Variants in KCNN2 observed in about 807,000 individuals in gnomAD.
KCNN2 encodes small conductance calcium-activated potassium channel protein 2.
KCNN2 carries 24 observed loss-of-function variants against 55.5 expected under a neutral mutation model. The ratio of observed to expected loss-of-function variants is 0.43; its 90% confidence interval spans 0.31 to 0.61. The LOEUF is 0.61. Among genes scored for constraint, KCNN2 ranks in the 20% least tolerant of loss-of-function variants. KCNN2 has a pLI of 0.08. For missense variants in KCNN2, 754 were observed against 853.6 expected (o/e 0.88, Z 1.45); for synonymous variants, 431 against 336.1 (o/e 1.28, Z -3.09).
At chr5:114,430,294 C>T (rs1759751305) in intron 3 of KCNN2, among the ~76,000 whole-genome samples, 1 of 151,958 alleles carries the variant, frequency 6.6e-6, no homozygotes. Context: ...GGATTTCTTT[C>T]CTCAGTGTTT....
At chr5:114,484,718 T>C (rs1488127044) in intron 5 of KCNN2, among the ~76,000 whole-genome samples, 2 of 152,218 alleles carry the variant, frequency 1.3e-5, no homozygotes, top group Non-Finnish European at 2.9e-5. Flanking sequence ...GTGGCTGCCA[T>C]GTTGAAAAGT....
At chr5:114,231,492 T>C (rs1364875040) in intron 2 of KCNN2, among the ~76,000 whole-genome samples, 3 of 150,604 alleles carry the variant, frequency 2.0e-5, no homozygotes, top group Non-Finnish European at 4.4e-5. Context: ...CAGTTTCAGC[T>C]TTCTACATAT....
At chr5:114,361,797 G>A (rs982564374), upstream of KCNN2, among the ~76,000 whole-genome samples, 2 of 152,156 alleles carry the variant, frequency 1.3e-5, no homozygotes, top group African/African-American at 4.8e-5. Flanking sequence ...CTGCGTGGGG[G>A]CTCTCCATCT....
intron 5 of KCNN2, among the ~76,000 whole-genome samples, chr5:114,482,547 A>G (rs1403632953): frequency 6.6e-6 from 1 of 152,188 alleles, no homozygotes; most frequent in Non-Finnish European, 1.5e-5. Context: ...AAGGAATATA[A>G]ATCATTCTAT....
chr5:114,288,529 CAT>C lies in KCNN2; in HGVS notation c.-185+66966_-185+66967del, dbSNP rs1491578752. On this transcript the variant is annotated intron_variant, in intron 2 of 10. Coordinates refer to the KCNN2 transcript ENST00000512097. The stretch of plus-strand genomic sequence containing the variant: ...ACACACACACACACACACACACACA[CAT>C]ACACATAGATAATATTTTTTGATAG... Among the ~76,000 whole-genome samples, 31 of 150,660 alleles carry C rather than the reference CAT, an allele frequency of 2.1e-4. 1 individual carries two copies. Among genetic ancestry groups the C allele is most frequent in the East Asian group, 1.9e-3 (10 of 5,154 alleles).
At chr5:114,335,408 C>T (rs1420335244) in intron 2 of KCNN2, among the ~76,000 whole-genome samples, 2 of 152,150 alleles carry the variant, frequency 1.3e-5, no homozygotes, top group East Asian at 3.9e-4. Context: ...ATACTTACTC[C>T]TTTGCAGAGG....
At chr5:114,112,603 A>G (rs867943748) in intron 1 of KCNN2, among the ~76,000 whole-genome samples, 1 of 152,056 alleles carries the variant, frequency 6.6e-6, no homozygotes, top group African/African-American at 2.4e-5. Flanking sequence ...TTTTTGGGCG[A>G]TTCTCTAGTA....
intron 3 of KCNN2, among the ~76,000 whole-genome samples, chr5:114,417,501 C>T (rs970353926): frequency 2.0e-5 from 3 of 152,142 alleles, no homozygotes; most frequent in African/African-American, 7.2e-5. Flanking sequence ...CACACTGATA[C>T]CTTTTGTTCC....
At chr5:114,409,015 C>T (rs967448373) in intron 3 of KCNN2, among the ~76,000 whole-genome samples, 2 of 152,080 alleles carry the variant, frequency 1.3e-5, no homozygotes, top group African/African-American at 4.8e-5. Context: ...AAATCTGTGA[C>T]AGTGTGGTGG....
chr5:114,351,988 AG>A (rs930876322), intron 2 of KCNN2, among the ~76,000 whole-genome samples: 2 of 151,668 alleles, frequency 1.3e-5, no homozygotes, highest in African/African-American at 4.8e-5. Context: ...TTTTTGGGAA[AG>A]GTTTGTGAAA....
intron 2 of KCNN2, among the ~76,000 whole-genome samples, chr5:114,294,440 T>A (rs910536863): frequency 1.1e-4 from 16 of 152,320 alleles, no homozygotes; most frequent in African/African-American, 3.6e-4. Context: ...CTGCCTTCAT[T>A]TCCTTATGTA....
At chr5:114,414,245 T>C (rs1759227216) in intron 3 of KCNN2, among the ~76,000 whole-genome samples, 1 of 152,220 alleles carries the variant, frequency 6.6e-6, no homozygotes, top group South Asian at 2.1e-4. Context: ...TTGCTGAGCT[T>C]CGATGGATCT....
At chr5:114,343,257 G>C (rs564721353) in intron 2 of KCNN2, among the ~76,000 whole-genome samples, 1 of 152,194 alleles carries the variant, frequency 6.6e-6, no homozygotes, top group African/African-American at 2.4e-5. Context: ...CCAAAGGGCT[G>C]TGGTTTGTTC....
At chr5:114,066,204 A>G (rs1448847698) in intron 1 of KCNN2, among the ~76,000 whole-genome samples, 2 of 152,216 alleles carry the variant, frequency 1.3e-5, no homozygotes, top group Non-Finnish European at 2.9e-5. Context: ...ATGGTGTCAT[A>G]AAGAACTTTC....
intron 2 of KCNN2, among the ~76,000 whole-genome samples, chr5:114,289,432 T>A (rs1263610563): frequency 6.7e-6 from 1 of 149,708 alleles, no homozygotes; most frequent in Non-Finnish European, 1.5e-5. Context: ...TGGAGTACAG[T>A]GGGGCAATCT....
At chr5:114,112,251 T>C (rs1424524886) in intron 1 of KCNN2, among the ~76,000 whole-genome samples, 1 of 152,116 alleles carries the variant, frequency 6.6e-6, no homozygotes, top group Admixed American at 6.5e-5. Flanking sequence ...CACTGCATGT[T>C]CTCACTCATA....
At chr5:114,139,453 A>G (rs1752231225) in intron 1 of KCNN2, among the ~76,000 whole-genome samples, 2 of 120,014 alleles carry the variant, frequency 1.7e-5, no homozygotes, top group South Asian at 2.6e-4. Flanking sequence ...ACACACTCAC[A>G]CAACCACCCC....
intron 1 of KCNN2, among the ~76,000 whole-genome samples, chr5:114,080,867 A>T (rs1750798992): frequency 6.6e-6 from 1 of 152,144 alleles, no homozygotes; most frequent in Non-Finnish European, 1.5e-5. Context: ...AAGACATCCA[A>T]ATAGGAAAAG....
At chr5:114,084,562 C>T (rs955995217) in intron 1 of KCNN2, among the ~76,000 whole-genome samples, 6 of 151,824 alleles carry the variant, frequency 4.0e-5, no homozygotes, top group African/African-American at 7.3e-5. Flanking sequence ...TGTATATTTT[C>T]GATACAGGTA....
Sources: gnomAD v4.1 joint callset for allele counts (sites outside exome capture counted in the v4.1 genomes callset) on GRCh38, gnomAD v4.1.1 for gene constraint, MANE v1.5 for transcripts, NCBI Gene and HGNC (gene_info 2026-07-23, HGNC 2026-07-21) for gene names.